HIVEP1: variants seen among roughly 807,000 people sequenced by gnomAD.
HIVEP1 encodes zinc finger protein 40.
Under a neutral mutation model 180.0 loss-of-function variants are expected in HIVEP1, and 36 were observed. The observed-to-expected ratio is 0.20, with a 90% confidence interval of 0.15 to 0.26. The LOEUF (loss-of-function observed/expected upper bound fraction) is 0.26. Among genes scored for constraint, HIVEP1 ranks in the 10% least tolerant of loss-of-function variants. HIVEP1 has a pLI of 1.00. For synonymous variants in HIVEP1, 1,239 were observed against 1,239.0 expected (o/e 1.00, Z 0.00); for missense variants, 3,143 against 3,268.7 (o/e 0.96, Z 0.94).
intron 3 of HIVEP1, among the ~76,000 whole-genome samples, chr6:12,094,164 C>G (rs955850116): frequency 1.3e-5 from 2 of 151,810 alleles, no homozygotes; most frequent in South Asian, 4.2e-4. Context: ...TAGTTCCTGG[C>G]AAATAAAAAT....
chr6:12,062,215 G>C (rs926433232), intron 2 of HIVEP1, among the ~76,000 whole-genome samples: 1 of 152,114 alleles, frequency 6.6e-6, no homozygotes, highest in Non-Finnish European at 1.5e-5. Flanking sequence ...AATTTACTTA[G>C]AAATTATTAC....
intron 2 of HIVEP1, among the ~76,000 whole-genome samples, chr6:12,084,224 TTCA>T: frequency 6.6e-6 from 1 of 152,262 alleles, no homozygotes; most frequent in Admixed American, 6.5e-5. Flanking sequence ...ATTTTACTAG[TTCA>T]TCACAATTTT....
chr6:12,092,963 G>C (rs184975679), intron 3 of HIVEP1, among the ~76,000 whole-genome samples: 2 of 152,266 alleles, frequency 1.3e-5, no homozygotes, highest in East Asian at 3.9e-4. Flanking sequence ...GCCTTGTTCA[G>C]GTAGGGTGTG....
chr6:12,178,321 G>T, the HIVEP1 span, among the ~76,000 whole-genome samples: 1 of 152,234 alleles, frequency 6.6e-6, no homozygotes, highest in Non-Finnish European at 1.5e-5. Flanking sequence ...GGGCATGGTG[G>T]TGCCCACCTA....
chr6:12,101,489 ATTAAG>A (rs1221274528), intron 3 of HIVEP1, among the ~76,000 whole-genome samples: 2 of 152,132 alleles, frequency 1.3e-5, no homozygotes, highest in African/African-American at 4.8e-5. Context: ...TCTCACTGGA[ATTAAG>A]TTAATATAAA....
rs377317098 is a variant in HIVEP1, at chr6:12,054,280, A to G, written c.41-34904A>G. ...AAAACAGTATATAGTCTATAGGTAT[A>G]TTTACAAGAAAACATACACTATATG... On this transcript the variant is annotated intron_variant, in intron 2 of 8. Coordinates refer to ENST00000379388, the MANE Select transcript of HIVEP1 (RefSeq NM_002114.4). Among the ~76,000 whole-genome samples, 16 of 152,366 alleles carry G rather than the reference A, an allele frequency of 1.1e-4. No homozygotes were observed. In the East Asian group the frequency reaches 3.1e-3, roughly 29 times the overall value.
At chr6:12,068,867 G>A (rs1454799711) in intron 2 of HIVEP1, among the ~76,000 whole-genome samples, 1 of 146,464 alleles carries the variant, frequency 6.8e-6, no homozygotes, top group African/African-American at 2.5e-5. Flanking sequence ...TAATACAGAA[G>A]CATATACAAT....
chr6:12,168,191 C>T (rs868540319), downstream of HIVEP1, among the ~76,000 whole-genome samples: 12 of 29,124 alleles, frequency 4.1e-4, no homozygotes, highest in Admixed American at 3.8e-3. Context: ...TATAGATATA[C>T]GTGTATATAT....
At chr6:12,191,200 A>G in the HIVEP1 span, among the ~76,000 whole-genome samples, 1 of 152,260 alleles carries the variant, frequency 6.6e-6, no homozygotes, top group Non-Finnish European at 1.5e-5. Context: ...GTAAGCTAAT[A>G]TATTCAAGAT....
intron 2 of HIVEP1, among the ~76,000 whole-genome samples, chr6:12,020,743 A>G (rs1035152652): frequency 6.6e-6 from 1 of 152,198 alleles, no homozygotes; most frequent in Non-Finnish European, 1.5e-5. Flanking sequence ...TGTGGAAAAT[A>G]CTAAGTATTA....
At chr6:12,050,587 A>G (rs1220287005) in intron 2 of HIVEP1, among the ~76,000 whole-genome samples, 11 of 87,826 alleles carry the variant, frequency 1.3e-4, no homozygotes, top group African/African-American at 3.0e-4. Flanking sequence ...CTCCGTCTCA[A>G]AAAAAAAAAA....
the HIVEP1 span, among the ~76,000 whole-genome samples, chr6:12,207,626 G>T: frequency 2.0e-5 from 3 of 151,732 alleles, no homozygotes; most frequent in Non-Finnish European, 4.4e-5. Flanking sequence ...AGATTTGGCG[G>T]GGCATGGTGG....
chr6:12,211,760 A>G, the HIVEP1 span, among the ~76,000 whole-genome samples: 3 of 152,292 alleles, frequency 2.0e-5, no homozygotes, highest in African/African-American at 4.8e-5. Context: ...ATCATTCTAG[A>G]TGTCACTTTA....
chr6:12,158,885 TG>T (rs1271236998), intron 7 of HIVEP1, among the ~76,000 whole-genome samples: 6 of 152,188 alleles, frequency 3.9e-5, no homozygotes, highest in Admixed American at 3.9e-4. Context: ...CTAGAGTTAC[TG>T]CTTCTCTCCC....
chr6:12,183,384 A>C, the HIVEP1 span, among the ~76,000 whole-genome samples: 2 of 152,214 alleles, frequency 1.3e-5, no homozygotes, highest in Non-Finnish European at 2.9e-5. Context: ...TGTTCTGTGG[A>C]GCAGACTCGC....
intron 3 of HIVEP1, among the ~76,000 whole-genome samples, chr6:12,097,359 G>A (rs1041799856): frequency 4.8e-4 from 71 of 147,126 alleles, no homozygotes; most frequent in African/African-American, 1.7e-3. Flanking sequence ...GAAAGAAAAA[G>A]TCTAAACCTT....
At chr6:12,154,605 A>G (rs193038564) in intron 7 of HIVEP1, among the ~76,000 whole-genome samples, 1 of 152,114 alleles carries the variant, frequency 6.6e-6, no homozygotes, top group East Asian at 1.9e-4. Flanking sequence ...TCACATGGAC[A>G]CAAGGAGGGG....
chr6:12,030,310 ATATGTAGATCAG>A (rs1768856672), intron 2 of HIVEP1, among the ~76,000 whole-genome samples: 1 of 152,084 alleles, frequency 6.6e-6, no homozygotes, highest in South Asian at 2.1e-4. Context: ...AACTTCTTGG[ATATGTAGATCAG>A]TATTTTTGTT....
intron 3 of HIVEP1, among the ~76,000 whole-genome samples, chr6:12,109,105 G>C (rs1046377936): frequency 6.6e-6 from 1 of 151,924 alleles, no homozygotes; most frequent in Admixed American, 6.6e-5. Flanking sequence ...TCAGCCTCCC[G>C]AGTACCTGGG....
Sources: allele counts gnomAD v4.1 joint callset (sites outside exome capture counted in the v4.1 genomes callset), GRCh38; gene constraint gnomAD v4.1.1; transcripts MANE v1.5; gene names NCBI Gene and HGNC (gene_info 2026-07-23, HGNC 2026-07-21).